The following ANGPT1 variants were observed in gnomAD, a reference collection of about 807,000 sequenced individuals.
The protein encoded by ANGPT1 is angiopoietin-1.
In ANGPT1, 17 loss-of-function variants were observed where a neutral mutation model predicts 62.2. The observed-to-expected ratio is 0.27, with a 90% CI of 0.19 to 0.41. The LOEUF (loss-of-function observed/expected upper bound fraction) is 0.41. ANGPT1 is among the 10% of genes least tolerant of loss of function. The probability of loss-of-function intolerance (pLI) is 1.00; values close to 1 mark genes in which losing one functional copy is unlikely to be tolerated. For missense variants in ANGPT1, 478 were observed against 594.9 expected (o/e 0.80, Z 2.04); for synonymous variants, 199 against 198.9 (o/e 1.00, Z 0.00).
intron 1 of ANGPT1, among the ~76,000 whole-genome samples, chr8:107,483,910 G>A (rs1009926658): frequency 6.6e-6 from 1 of 152,150 alleles, no homozygotes; most frequent in African/African-American, 2.4e-5. Flanking sequence ...TGAATTATTT[G>A]CCTCTGACAT....
intron 5 of ANGPT1, 65 bp from the exon 6 acceptor site, chr8:107,294,102 G>A (rs1814351544): frequency 7.5e-7 from 1 of 1,339,658 alleles, no homozygotes. Context: ...TATCCTACAT[G>A]TTTCAAAATA....
At position 107,460,595 on chromosome 8, in the gene ANGPT1, G is replaced by T. The variant is rs76793343; in HGVS notation, c.297+36667C>A. Among the ~76,000 whole-genome samples the T allele has an allele frequency of 8.5e-3, 1,287 of 152,194 alleles. 17 individuals are homozygous for T. The highest frequency in any genetic ancestry group is 0.03 in the African/African-American group (1,243 of 41,540). On this transcript the variant is annotated intron_variant, in intron 1 of 8. Coordinates refer to ENST00000517746, the MANE Select transcript of ANGPT1 (RefSeq NM_001146.5). ...TCTGTGTAAATCCCTGCTGCAAAAT[G>T]AAAAGTTTTCTACAGAAATATTTCT...
At chr8:107,334,512 T>G (rs1815514741) in intron 3 of ANGPT1, among the ~76,000 whole-genome samples, 1 of 151,744 alleles carries the variant, frequency 6.6e-6, no homozygotes, top group African/African-American at 2.4e-5. Context: ...GATAAAGCTG[T>G]GGTTTTTAAT....
intron 7 of ANGPT1, among the ~76,000 whole-genome samples, chr8:107,281,952 A>G (rs1253491078): frequency 1.3e-5 from 2 of 152,050 alleles, no homozygotes; most frequent in African/African-American, 2.4e-5. Flanking sequence ...ATGGACAAAA[A>G]GCACATGAGG....
chr8:107,314,426 T>C (rs1446244179), intron 4 of ANGPT1, among the ~76,000 whole-genome samples: 3 of 152,226 alleles, frequency 2.0e-5, no homozygotes, highest in East Asian at 3.9e-4. Context: ...TCAAGGACTA[T>C]GTTATTTTTT....
chr8:107,271,513 C>T (rs1813734808), intron 7 of ANGPT1, among the ~76,000 whole-genome samples: 1 of 151,908 alleles, frequency 6.6e-6, no homozygotes, highest in Non-Finnish European at 1.5e-5. Context: ...GTGATAAAAA[C>T]AATGACATAG....
chr8:107,283,824 G>C (rs1281694976), intron 7 of ANGPT1, among the ~76,000 whole-genome samples: 1 of 152,192 alleles, frequency 6.6e-6, no homozygotes, highest in Non-Finnish European at 1.5e-5. Context: ...ATGAGTAGCA[G>C]TAGAAGAGTA....
chr8:107,448,089 A>G (rs1038723036), intron 1 of ANGPT1, among the ~76,000 whole-genome samples: 1 of 152,200 alleles, frequency 6.6e-6, no homozygotes, highest in Admixed American at 6.5e-5. Flanking sequence ...TATTTACATG[A>G]AAGACAAAGG....
Position 107,472,072 on chromosome 8 carries a change from G to A in ANGPT1, c.297+25190C>T, listed in dbSNP as rs550795772. Reference sequence around the variant, plus strand: ...AGGAATACTTTATAGGTATTTTGTAGAAATAATGTCCCTAAATTGAGAGTT... The same window carrying A: ...AGGAATACTTTATAGGTATTTTGTAAAAATAATGTCCCTAAATTGAGAGTT... On this transcript the variant is annotated intron_variant, in intron 1 of 8. Coordinates refer to ENST00000517746, the MANE Select transcript of ANGPT1 (RefSeq NM_001146.5). 2.4e-4 allele frequency among the ~76,000 whole-genome samples: 36 copies of A among 152,072 alleles called. No homozygotes were observed. The South Asian group carries it at 6.9e-3, about 29-fold the overall frequency.
chr8:107,454,654 T>G (rs921347446), intron 1 of ANGPT1, among the ~76,000 whole-genome samples: 2 of 152,080 alleles, frequency 1.3e-5, no homozygotes, highest in African/African-American at 2.4e-5. Context: ...TGAGATGTAA[T>G]GCAAACCCTA....
intron 1 of ANGPT1, among the ~76,000 whole-genome samples, chr8:107,453,205 T>C (rs1811823663): frequency 1.3e-5 from 2 of 152,098 alleles, no homozygotes; most frequent in South Asian, 2.1e-4. Flanking sequence ...ATTATTTTTA[T>C]TCCAGAAATT....
At chr8:107,362,873 G>A (rs935875929) in intron 1 of ANGPT1, among the ~76,000 whole-genome samples, 1 of 152,088 alleles carries the variant, frequency 6.6e-6, no homozygotes. Context: ...AGCTTGTCTA[G>A]GATTGGGCTA....
At chr8:107,331,671 T>C (rs1259124107) in intron 3 of ANGPT1, among the ~76,000 whole-genome samples, 1 of 152,146 alleles carries the variant, frequency 6.6e-6, no homozygotes, top group East Asian at 1.9e-4. Context: ...TTTGCAGGAT[T>C]GGTTGGAGGA....
intron 1 of ANGPT1, among the ~76,000 whole-genome samples, chr8:107,430,419 C>T (rs1811151969): frequency 6.6e-6 from 1 of 152,196 alleles, no homozygotes; most frequent in Non-Finnish European, 1.5e-5. Context: ...CCCAACTATA[C>T]TTTGAGCTCC....
chr8:107,480,291 A>C (rs1470460772), intron 1 of ANGPT1, among the ~76,000 whole-genome samples: 1 of 152,204 alleles, frequency 6.6e-6, no homozygotes, highest in Non-Finnish European at 1.5e-5. Flanking sequence ...ACCTATCTGA[A>C]CAGGATCTAG....
At chr8:107,343,396 G>T (rs961375025) in intron 2 of ANGPT1, among the ~76,000 whole-genome samples, 4 of 152,158 alleles carry the variant, frequency 2.6e-5, no homozygotes, top group Admixed American at 1.3e-4. Flanking sequence ...AACAGTTCCA[G>T]CAAGGCTGAT....
intron 6 of ANGPT1, among the ~76,000 whole-genome samples, chr8:107,291,028 C>T (rs1377699146): frequency 6.6e-6 from 1 of 152,110 alleles, no homozygotes; most frequent in East Asian, 1.9e-4. Context: ...TTTCTGTTAT[C>T]ATTAATTTTA....
chr8:107,446,259 A>G (rs1811616452), intron 1 of ANGPT1, among the ~76,000 whole-genome samples: 1 of 152,196 alleles, frequency 6.6e-6, no homozygotes, highest in African/African-American at 2.4e-5. Flanking sequence ...AAATATTACC[A>G]TTTCAGAAAT....
intron 1 of ANGPT1, among the ~76,000 whole-genome samples, chr8:107,370,657 C>G (rs1200632003): frequency 1.6e-5 from 2 of 125,046 alleles, no homozygotes; most frequent in Admixed American, 1.9e-4. Context: ...GAGCTGAGAT[C>G]ACGCCACTGC....
Sources: gnomAD v4.1 joint callset for allele counts (sites outside exome capture counted in the v4.1 genomes callset) on GRCh38, gnomAD v4.1.1 for gene constraint, MANE v1.5 for transcripts, NCBI Gene and HGNC (gene_info 2026-07-23, HGNC 2026-07-21) for gene names.